The following BBOX1 variants were observed in gnomAD, a reference collection of about 807,000 sequenced individuals.
The protein encoded by BBOX1 is gamma-butyrobetaine hydroxylase 1, also known as gamma-butyrobetaine dioxygenase.
BBOX1 carries 35 observed loss-of-function variants against 41.6 expected under a neutral mutation model. The observed-to-expected ratio is 0.84, with a 90% confidence interval of 0.64 to 1.11. BBOX1 has a LOEUF of 1.11. Among genes scored for constraint, BBOX1 ranks in the 50% most tolerant of loss-of-function variants. The pLI is 0.00. For synonymous variants in BBOX1, 163 were observed against 154.7 expected (o/e 1.05, Z -0.40); for missense variants, 458 against 460.6 (o/e 0.99, Z 0.05).
At chr11:27,085,905 G>C (rs959517468) in intron 4 of BBOX1, among the ~76,000 whole-genome samples, 1 of 152,092 alleles carries the variant, frequency 6.6e-6, no homozygotes, top group South Asian at 2.1e-4. Flanking sequence ...CTGATGTGGA[G>C]AAAGTTTGAG....
chr11:27,123,407 A>C (rs1859534070), intron 7 of BBOX1, among the ~76,000 whole-genome samples: 1 of 152,178 alleles, frequency 6.6e-6, no homozygotes, highest in Admixed American at 6.5e-5. Flanking sequence ...ATAACCATTC[A>C]AATCAAGGAG....
Position 27,127,486 on chromosome 11 carries a change from A to G in BBOX1, c.*33A>G. The G allele has an allele frequency of 6.3e-7, 1 of 1,579,226 alleles. No homozygotes were observed. The highest frequency in any genetic ancestry group is 8.6e-7 in the Non-Finnish European group (1 of 1,167,012). On this transcript the variant is annotated 3_prime_UTR_variant, in exon 9 of 9. Transcript: ENST00000263182. The stretch of plus-strand genomic sequence containing the variant: ...TGTAGATAATTTTAATAAGATTCCA[A>G]TGACCATATTTTGTGAGATATGGCA...
chr11:27,083,724 C>T (rs1349344794), intron 4 of BBOX1, among the ~76,000 whole-genome samples: 1 of 152,136 alleles, frequency 6.6e-6, no homozygotes, highest in East Asian at 1.9e-4. Context: ...TATGTGTTTG[C>T]TTCCTTGCTT....
At chr11:27,117,216 A>C (rs1354639118) in intron 6 of BBOX1, among the ~76,000 whole-genome samples, 3 of 151,994 alleles carry the variant, frequency 2.0e-5, no homozygotes, top group African/African-American at 7.2e-5. Flanking sequence ...GCAATTCTTA[A>C]GTTAACAAAG....
rs12291195 is a variant in BBOX1, at chr11:27,085,425, A to G, written c.335-7743A>G. Among the ~76,000 whole-genome samples the G allele has an allele frequency of 8.8e-3, 1,341 of 152,194 alleles. 19 individuals carry two copies. The highest frequency in any genetic ancestry group is 0.031 in the African/African-American group (1,287 of 41,552). On this transcript the variant is annotated intron_variant, in intron 4 of 8. Coordinates refer to ENST00000263182, the MANE Select transcript of BBOX1 (RefSeq NM_003986.3). ...AATTATTTTCATATCTGTTATAGTG[A>G]TCTGTGATCAGTGATCTTTGAGCTT...
intron 8 of BBOX1, 51 bp downstream of exon 8, chr11:27,125,871 C>T (rs1859632846): frequency 1.3e-6 from 2 of 1,562,172 alleles, no homozygotes; most frequent in Admixed American, 1.8e-5. Context: ...TTTCTTCAAC[C>T]TTAACCACCT....
chr11:27,093,082 T>C (rs952294708), intron 4 of BBOX1, 86 bp from the exon 5 acceptor site: 9 of 1,293,012 alleles, frequency 7.0e-6, no homozygotes, highest in South Asian at 1.4e-5. Context: ...CAATCAACTT[T>C]AATGAACTAG....
At chr11:27,052,843 C>T (rs559679901) in intron 2 of BBOX1, among the ~76,000 whole-genome samples, 1 of 152,206 alleles carries the variant, frequency 6.6e-6, no homozygotes, top group South Asian at 2.1e-4. Context: ...CGCTTCTTGC[C>T]TAATGGTTGC....
rs922484332 is a variant in BBOX1, at chr11:27,072,726, T to C, written c.334+15411T>C. 2.6e-5 allele frequency among the ~76,000 whole-genome samples: 4 copies of C among 152,024 alleles called. No individual in the cohort carries two copies. The East Asian group carries it at 5.8e-4, about 22-fold the overall frequency. On this transcript the variant is annotated intron_variant, in intron 4 of 8. Transcript: ENST00000263182. The stretch of plus-strand genomic sequence containing the variant: ...TGGTACTGGTACCCAAACAGAGAAA[T>C]AGACCAATGGAACAGAACAGAGACC...
At chr11:27,051,840 G>A (rs1204665657) in intron 2 of BBOX1, among the ~76,000 whole-genome samples, 1 of 151,720 alleles carries the variant, frequency 6.6e-6, no homozygotes, top group African/African-American at 2.4e-5. Flanking sequence ...AGGGATTAAT[G>A]TGTTCTTCTT....
At chr11:27,087,491 T>C (rs995399345) in intron 4 of BBOX1, among the ~76,000 whole-genome samples, 1 of 152,128 alleles carries the variant, frequency 6.6e-6, no homozygotes, top group East Asian at 1.9e-4. Context: ...GTAGTGCTGT[T>C]TCATACTTAC....
In BBOX1 at chr11:27,115,455, T is replaced by C; in HGVS notation, c.537T>C (p.His179=). The C allele has an allele frequency of 6.2e-7, 1 of 1,608,626 alleles. No individual in the cohort carries two copies. Among genetic ancestry groups the C allele is most frequent in the Non-Finnish European group, 8.5e-7 (1 of 1,177,052 alleles). The change falls in exon 6 of 9, where the codon CAT becomes CAC. Residue 179 remains histidine (H), a synonymous_variant. Coordinates refer to ENST00000263182, the MANE Select transcript of BBOX1 (RefSeq NM_003986.3). ...MGFLYLTFYG[H]TWQVQDKIDA... is the part of the protein sequence containing the mutation. ...ATGTGTTTCTTGCATTTTACAGACA[T>C]ACTTGGCAAGTGCAAGACAAAATCG...
intron 4 of BBOX1, among the ~76,000 whole-genome samples, chr11:27,074,097 C>G (rs569002781): frequency 7.9e-5 from 12 of 152,136 alleles, no homozygotes; most frequent in African/African-American, 2.4e-4. Context: ...CCCCATTGCT[C>G]TTTCTCTCCT....
intron 7 of BBOX1, among the ~76,000 whole-genome samples, chr11:27,123,989 C>A (rs1355812598): frequency 2.0e-5 from 3 of 152,140 alleles, no homozygotes; most frequent in Admixed American, 6.5e-5. Context: ...ACCCAATAAG[C>A]AAAGAATTGG....
chr11:27,081,701 A>C (rs1590196365), intron 4 of BBOX1, among the ~76,000 whole-genome samples: 1 of 152,232 alleles, frequency 6.6e-6, no homozygotes, highest in East Asian at 1.9e-4. Flanking sequence ...ATTTCTCCAC[A>C]TCCTCTCTAG....
At chr11:27,047,229 A>T (rs1210583204) in intron 2 of BBOX1, 1 of 152,194 alleles carries the variant, frequency 6.6e-6, no homozygotes, top group Non-Finnish European at 1.5e-5. Context: ...TCCTCAGGAC[A>T]TCCATTTGGC....
chr11:27,125,929 C>A, intron 8 of BBOX1, 109 bp downstream of exon 8: 2 of 1,173,912 alleles, frequency 1.7e-6, no homozygotes, highest in Non-Finnish European at 1.2e-6. Context: ...TGTAGAACAC[C>A]AACAACAGAA....
In BBOX1 at chr11:27,043,566, C is replaced by G. The variant is rs551550824; in HGVS notation, c.-39+2088C>G. 2.3e-3 allele frequency among the ~76,000 whole-genome samples: 343 copies of G among 150,642 alleles called. 1 individual carries two copies. Among genetic ancestry groups the G allele is most frequent in the African/African-American group, 4.8e-3 (196 of 41,202 alleles). ...TCTTTCTCTTGACTAATTGCCCTAG[C>G]ATTTCTCCTAATGGTATCCCTCCCC... On this transcript the variant is annotated intron_variant, in intron 2 of 8. Coordinates refer to ENST00000263182, the MANE Select transcript of BBOX1 (RefSeq NM_003986.3).
chr11:27,082,868 A>G (rs969853), intron 4 of BBOX1, among the ~76,000 whole-genome samples: 152,224 of 152,248 alleles, frequency 1, 76,100 homozygotes, highest in Non-Finnish European at 1. Flanking sequence ...TCCAGTCATA[A>G]GCGTGAGTAT....
Sources: gnomAD v4.1 joint callset for allele counts (sites outside exome capture counted in the v4.1 genomes callset) on GRCh38, gnomAD v4.1.1 for gene constraint, MANE v1.5 for transcripts, NCBI Gene and HGNC (gene_info 2026-07-23, HGNC 2026-07-21) for gene names.